NREP: variants seen among roughly 807,000 people sequenced by gnomAD.
NREP encodes the protein neuronal regeneration-related protein.
NREP carries 5 observed loss-of-function variants against 8.6 expected under a neutral mutation model. That is an observed-to-expected ratio of 0.58 (90% CI 0.30 to 1.22). The LOEUF is 1.22. Among genes scored for constraint, NREP ranks in the 50% most tolerant of loss-of-function variants. The probability of loss-of-function intolerance (pLI) is 0.07; values close to 1 mark genes in which losing one functional copy is unlikely to be tolerated. For synonymous variants in NREP, 27 were observed against 28.0 expected, an observed-to-expected ratio of 0.96 and a Z score of 0.11; for missense variants, 86 against 82.5, an observed-to-expected ratio of 1.04 and a Z score of -0.17.
intron 2 of NREP, among the ~76,000 whole-genome samples, chr5:111,856,841 C>G (rs375507387): frequency 6.6e-6 from 1 of 151,796 alleles, no homozygotes; most frequent in Non-Finnish European, 1.5e-5. Context: ...TTCCTTTTGA[C>G]AAAAAGTAAA....
rs562817676 is a variant in NREP, at chr5:111,922,737, T to C, written c.135+52537A>G. 3.9e-5 allele frequency among the ~76,000 whole-genome samples: 6 copies of C among 152,306 alleles called. No homozygotes were observed. The South Asian group carries it at 1.0e-3, about 26-fold the overall frequency. On this transcript the variant is annotated intron_variant, in intron 2 of 3. Transcript: ENST00000395634. Reference sequence around the variant, plus strand: ...AAGAGTCTTAAGGACCTTACACTGGTTGGAGGCTGGCAAATGGAGCTTGCC... The same window carrying C: ...AAGAGTCTTAAGGACCTTACACTGGCTGGAGGCTGGCAAATGGAGCTTGCC...
intron 2 of NREP, among the ~76,000 whole-genome samples, chr5:111,870,515 T>C (rs1287154953): frequency 6.6e-6 from 1 of 152,194 alleles, no homozygotes; most frequent in Admixed American, 6.5e-5. Context: ...TTTTTAAAAA[T>C]TGATTTCATT....
chr5:111,798,754 T>C (rs1412376992), intron 2 of NREP, among the ~76,000 whole-genome samples: 1 of 85,578 alleles, frequency 1.2e-5, no homozygotes, highest in Non-Finnish European at 2.4e-5. Context: ...TGTGTGTGTG[T>C]GTGTGTGTGT....
intron 2 of NREP, among the ~76,000 whole-genome samples, chr5:111,823,586 TA>T (rs1369769720): frequency 2.0e-5 from 3 of 152,242 alleles, no homozygotes; most frequent in African/African-American, 7.2e-5. Context: ...TGTATTATGT[TA>T]TTTAATAGAC....
chr5:111,730,887 T>TA lies in NREP; in HGVS notation c.*33dup. ...GATACCATGACCTCATCAATACCCA[T>TA]ACACCATATGTAATACAAATGGAGG... On this transcript the variant is annotated 3_prime_UTR_variant, in exon 4 of 4. Coordinates refer to ENST00000257435, the MANE Select transcript of NREP (RefSeq NM_004772.4). 1.2e-6 allele frequency: 2 copies of TA among 1,612,120 alleles called. No homozygotes were observed. Among genetic ancestry groups the TA allele is most frequent in the Non-Finnish European group, 1.7e-6 (2 of 1,178,674 alleles).
chr5:111,968,268 C>T (rs1756701473), intron 2 of NREP, among the ~76,000 whole-genome samples: 1 of 151,648 alleles, frequency 6.6e-6, no homozygotes, highest in Admixed American at 6.6e-5. Flanking sequence ...CATATTAAAC[C>T]CTACTGGTAT....
At chr5:111,790,957 C>A (rs376287123) in intron 2 of NREP, among the ~76,000 whole-genome samples, 3 of 152,110 alleles carry the variant, frequency 2.0e-5, no homozygotes, top group South Asian at 2.1e-4. Flanking sequence ...GCAGGGCCAA[C>A]TGTGGGACTT....
intron 3 of NREP, 123 bp from the exon 4 acceptor site, chr5:111,731,169 T>C: frequency 3.2e-6 from 3 of 950,832 alleles, no homozygotes; most frequent in East Asian, 2.6e-5. Flanking sequence ...CCTTGAACTC[T>C]TGCTGTTTTG....
intron 2 of NREP, among the ~76,000 whole-genome samples, chr5:111,736,579 T>A (rs114831580): frequency 1.8e-3 from 270 of 152,342 alleles, no homozygotes; most frequent in African/African-American, 6.3e-3. Context: ...TTGAGTTGAC[T>A]GTAATGCTTG....
chr5:111,925,110 C>G (rs1463218050), intron 2 of NREP, among the ~76,000 whole-genome samples: 4 of 152,090 alleles, frequency 2.6e-5, no homozygotes, highest in Non-Finnish European at 5.9e-5. Flanking sequence ...AGACCAGCTC[C>G]AGTGTCCAGA....
intron 2 of NREP, chr5:111,846,420 C>CTTTTTTTTTGTTTTTTTTTTTTTT (rs1753169872): frequency 2.3e-5 from 1 of 44,414 alleles, no homozygotes; most frequent in Non-Finnish European, 4.2e-5. Context: ...TTTTTGTTTG[C>CTTTTTTTTTGTTTTTTTTTTTTTT]TTTTTTTTTT....
intron 2 of NREP, among the ~76,000 whole-genome samples, chr5:111,824,469 A>G (rs546859006): frequency 2.2e-4 from 34 of 152,356 alleles, no homozygotes; most frequent in African/African-American, 7.5e-4. Context: ...AAATTAAGTA[A>G]CCTAGTCATG....
In NREP at chr5:111,924,358, C is replaced by T. The variant is rs144499807; in HGVS notation, c.135+50916G>A. 4.0e-3 allele frequency among the ~76,000 whole-genome samples: 609 copies of T among 152,038 alleles called. 3 individuals carry two copies. Among genetic ancestry groups the T allele is most frequent in the Non-Finnish European group, 6.6e-3 (450 of 67,994 alleles). ...TTGTCCATACAAGTGAGGGGTATCC[C>T]GAAACCTTTGTGGCAACATCATCCA... is the stretch of plus-strand genomic sequence containing the variant. On this transcript the variant is annotated intron_variant, in intron 2 of 3. Coordinates refer to the NREP transcript ENST00000395634.
At chr5:111,804,168 T>C (rs2112907120) in intron 2 of NREP, among the ~76,000 whole-genome samples, 1 of 152,306 alleles carries the variant, frequency 6.6e-6, no homozygotes, top group East Asian at 1.9e-4. Flanking sequence ...TAAAATAGTG[T>C]GGTACTAGCA....
At chr5:111,950,378 C>A (rs886258899) in intron 2 of NREP, among the ~76,000 whole-genome samples, 7 of 152,070 alleles carry the variant, frequency 4.6e-5, no homozygotes. Context: ...CTTCCTTAAA[C>A]CTTATACAAA....
intron 2 of NREP, chr5:111,755,448 C>T (rs541447792): frequency 5.9e-6 from 2 of 336,446 alleles, no homozygotes; most frequent in African/African-American, 4.2e-5. Context: ...GCTGTCACCA[C>T]CTCCATGCGT....
At chr5:111,915,453 G>A (rs1256348928) in intron 2 of NREP, among the ~76,000 whole-genome samples, 1 of 151,936 alleles carries the variant, frequency 6.6e-6, no homozygotes, top group African/African-American at 2.4e-5. Flanking sequence ...TTTTGGTGAG[G>A]CTACTACAAG....
At chr5:111,857,401 C>A (rs912711747) in intron 2 of NREP, among the ~76,000 whole-genome samples, 8 of 152,194 alleles carry the variant, frequency 5.3e-5, no homozygotes, top group Admixed American at 5.2e-4. Flanking sequence ...GATGGTTGTC[C>A]TACCTCTGAA....
chr5:111,821,562 C>G (rs1037981162), intron 2 of NREP, among the ~76,000 whole-genome samples: 2 of 152,110 alleles, frequency 1.3e-5, no homozygotes, highest in African/African-American at 2.4e-5. Context: ...TATTTAGAAC[C>G]AGTCAACATC....
Sources: gnomAD v4.1 joint callset for allele counts (sites outside exome capture counted in the v4.1 genomes callset) on GRCh38, gnomAD v4.1.1 for gene constraint, MANE v1.5 for transcripts, NCBI Gene and HGNC (gene_info 2026-07-23, HGNC 2026-07-21) for gene names.